NSMCE1: variants seen among roughly 807,000 people sequenced by gnomAD.
NSMCE1 encodes non-structural maintenance of chromosomes element 1 homolog.
A neutral mutation model predicts 29.6 loss-of-function variants in NSMCE1; 18 were observed. That is an observed-to-expected ratio of 0.61 (90% CI 0.42 to 0.90). The LOEUF is 0.90. NSMCE1 is among the 40% of genes least tolerant of loss of function. NSMCE1 has a pLI of 0.00. For synonymous variants in NSMCE1, 124 were observed against 133.4 expected, an observed-to-expected ratio of 0.93 and a Z score of 0.49; for missense variants, 314 against 343.6, an observed-to-expected ratio of 0.91 and a Z score of 0.68.
intron 1 of NSMCE1, among the ~76,000 whole-genome samples, chr16:27,262,345 T>A (rs987059831): frequency 3.3e-5 from 5 of 151,678 alleles, no homozygotes; most frequent in African/African-American, 7.3e-5. Context: ...GTTACCCGAC[T>A]TCAAACTACA....
At chr16:27,238,776 G>A (rs1194773974) in intron 2 of NSMCE1, among the ~76,000 whole-genome samples, 1 of 152,034 alleles carries the variant, frequency 6.6e-6, no homozygotes, top group Non-Finnish European at 1.5e-5. Context: ...CAGCTGCTCT[G>A]GCCATGAGGT....
chr16:27,245,315 C>T (rs1019051377), intron 2 of NSMCE1, among the ~76,000 whole-genome samples: 2 of 152,250 alleles, frequency 1.3e-5, no homozygotes, highest in Admixed American at 6.5e-5. Flanking sequence ...TTCCCTGTTC[C>T]AGCCAGCGGG....
rs1473195186 is a variant in NSMCE1, at chr16:27,232,617, A to G, written c.483+384T>C. On this transcript the variant is annotated intron_variant, in intron 5 of 7. Transcript: ENST00000361439. The surrounding 1 kb of genome is among the most constrained non-coding windows in gnomAD (Gnocchi z 4.5). ...AAGGGGAAACAACGACTCCCCTCTT[A>G]CAAGGAACATGAGGTCACCTGGCTC... is the stretch of plus-strand genomic sequence containing the variant. Among the ~76,000 whole-genome samples the G allele has an allele frequency of 1.3e-5, 2 of 152,240 alleles. No individual in the cohort carries two copies. The highest frequency in any genetic ancestry group is 2.9e-5 in the Non-Finnish European group (2 of 68,040).
chr16:27,262,112 C>T (rs763655262), intron 1 of NSMCE1, among the ~76,000 whole-genome samples: 66 of 151,990 alleles, frequency 4.3e-4, no homozygotes, highest in Non-Finnish European at 8.2e-4. Flanking sequence ...GGCGGGGTGG[C>T]ACGCGCCTGT....
At chr16:27,267,989 C>A (rs2084246063) in intron 1 of NSMCE1, among the ~76,000 whole-genome samples, 1 of 152,116 alleles carries the variant, frequency 6.6e-6, no homozygotes, top group Admixed American at 6.6e-5. Flanking sequence ...GTGATCCGCC[C>A]CCCTCAGCTT....
At chr16:27,257,614 C>G in intron 1 of NSMCE1, 33 bp from the exon 2 acceptor site, 1 of 1,565,264 alleles carries the variant, frequency 6.4e-7, no homozygotes, top group Non-Finnish European at 8.7e-7. Context: ...TAGTCAACCC[C>G]AAGCACATCA....
intron 3 of NSMCE1, 126 bp from the exon 4 acceptor site, chr16:27,234,391 CG>C (rs2083796819): frequency 1.4e-6 from 1 of 718,220 alleles, no homozygotes; most frequent in African/African-American, 1.8e-5. Flanking sequence ...CCAGGCACTG[CG>C]GGCCGCAGGG....
rs115185662 is a variant in NSMCE1 at position 27,231,928 on chromosome 16, C to T, written c.483+1073G>A. Among the ~76,000 whole-genome samples the T allele has an allele frequency of 9.8e-3, 1,489 of 152,292 alleles. 25 individuals carry two copies. The highest frequency in any genetic ancestry group is 0.034 in the African/African-American group (1,401 of 41,544). On this transcript the variant is annotated intron_variant, in intron 5 of 7. Coordinates refer to ENST00000361439, the MANE Select transcript of NSMCE1 (RefSeq NM_145080.4). ...GCCTCCAAGACATGACATACGGGAA[C>T]GCGCCCAGCAGATCCTGCACTCACC...
chr16:27,261,009 A>G (rs1369234664), intron 1 of NSMCE1, among the ~76,000 whole-genome samples: 1 of 151,856 alleles, frequency 6.6e-6, no homozygotes, highest in East Asian at 1.9e-4. Flanking sequence ...TCTACTAAAA[A>G]TACAAAAATT....
intron 2 of NSMCE1, among the ~76,000 whole-genome samples, chr16:27,244,108 A>G (rs1596683767): frequency 6.6e-6 from 1 of 151,672 alleles, no homozygotes; most frequent in Non-Finnish European, 1.5e-5. Flanking sequence ...AAGCCTCCCC[A>G]CTCCTCTGCC....
intron 5 of NSMCE1, among the ~76,000 whole-genome samples, chr16:27,227,598 G>A (rs2083712320): frequency 1.3e-5 from 2 of 152,208 alleles, no homozygotes; most frequent in African/African-American, 4.8e-5. Flanking sequence ...ACGGGACCCA[G>A]GACATGGACC....
intron 1 of NSMCE1, among the ~76,000 whole-genome samples, chr16:27,259,078 G>A (rs1439322120): frequency 2.0e-5 from 3 of 152,024 alleles, no homozygotes; most frequent in African/African-American, 7.2e-5. Context: ...ATCCTCAACT[G>A]GACCTCAGGG....
chr16:27,243,609 A>G (rs2083918427), intron 2 of NSMCE1, among the ~76,000 whole-genome samples: 1 of 152,204 alleles, frequency 6.6e-6, no homozygotes, highest in Non-Finnish European at 1.5e-5. Context: ...TCATGGCCCA[A>G]AAGGACCAAG....
intron 5 of NSMCE1, among the ~76,000 whole-genome samples, chr16:27,228,887 C>T (rs2083733863): frequency 6.6e-6 from 1 of 151,070 alleles, no homozygotes; most frequent in South Asian, 2.1e-4. Context: ...CCCTCTTCCA[C>T]CCTCCCCTAC....
At chr16:27,250,650 G>A (rs963976660) in intron 2 of NSMCE1, among the ~76,000 whole-genome samples, 1 of 151,438 alleles carries the variant, frequency 6.6e-6, no homozygotes, top group Non-Finnish European at 1.5e-5. Flanking sequence ...AAAATTCGTC[G>A]GGCGTGGTGG....
At chr16:27,264,215 A>T (rs907686568) in intron 1 of NSMCE1, among the ~76,000 whole-genome samples, 10 of 147,038 alleles carry the variant, frequency 6.8e-5, no homozygotes, top group East Asian at 5.9e-4. Flanking sequence ...AACAAAAATT[A>T]AAAAAAAAAT....
intron 2 of NSMCE1, among the ~76,000 whole-genome samples, chr16:27,249,844 A>G (rs1239117718): frequency 6.6e-6 from 1 of 152,232 alleles, no homozygotes; most frequent in Non-Finnish European, 1.5e-5. Flanking sequence ...CTATAGATCA[A>G]TTTGGGGAGA....
intron 2 of NSMCE1, 78 bp downstream of exon 2, chr16:27,257,357 C>T: frequency 8.1e-7 from 1 of 1,238,180 alleles, no homozygotes; most frequent in Non-Finnish European, 1.1e-6. Context: ...TAACAAGTTA[C>T]ATGGTATTGT....
intron 1 of NSMCE1, among the ~76,000 whole-genome samples, chr16:27,260,786 G>A (rs2084146101): frequency 6.6e-6 from 1 of 150,570 alleles, no homozygotes; most frequent in Non-Finnish European, 1.5e-5. Flanking sequence ...TTGAGCCTGG[G>A]AGGTCGAGGC....
Sources: allele counts gnomAD v4.1 joint callset (sites outside exome capture counted in the v4.1 genomes callset), GRCh38; gene constraint gnomAD v4.1.1; non-coding constraint Gnocchi (gnomAD v3.1); transcripts MANE v1.5; gene names NCBI Gene and HGNC (gene_info 2026-07-23, HGNC 2026-07-21).